MET: variants seen among roughly 807,000 people sequenced by gnomAD.
MET encodes the protein hepatocyte growth factor receptor.
Under a neutral mutation model 133.1 loss-of-function variants are expected in MET, and 48 were observed. That is an observed-to-expected ratio of 0.36 (90% CI 0.29 to 0.46). The LOEUF (loss-of-function observed/expected upper bound fraction) is 0.46. Among genes scored for constraint, MET ranks in the 20% least tolerant of loss-of-function variants. The pLI, the probability that MET is intolerant of heterozygous loss-of-function variation, is 1.00. For missense variants in MET, 1,442 were observed against 1,695.9 expected, an observed-to-expected ratio of 0.85 and a Z score of 2.63; for synonymous variants, 628 against 616.5, an observed-to-expected ratio of 1.02 and a Z score of -0.28.
At chr7:116,703,451 A>G (rs529266118) in intron 2 of MET, among the ~76,000 whole-genome samples, 106 of 152,276 alleles carry the variant, frequency 7.0e-4, no homozygotes, top group Non-Finnish European at 1.3e-3. Flanking sequence ...AGGCTAATGC[A>G]TATTCTCTAA....
rs571453992 is a variant in MET at position 116,699,730 on chromosome 7, G to A, written c.646G>A (p.Val216Met). 1 of 1,614,080 alleles carries A rather than the reference G, an allele frequency of 6.2e-7. No individual in the cohort carries two copies. Among genetic ancestry groups the A allele is most frequent in the South Asian group, 1.1e-5 (1 of 91,076 alleles). ...FPDHPLHSISVRRLKETKDGF... is the reference protein window; with the variant it reads ...FPDHPLHSISMRRLKETKDGF... ...AGATCATCCATTGCATTCGATATCA[G>A]TGAGAAGGCTAAAGGAAACGAAAGA... is the stretch of plus-strand genomic sequence containing the variant. The change falls in exon 2 of 21, where the codon GTG becomes ATG. Residue 216 changes from valine (V) to methionine (M), a missense_variant. Val to Met is a conservative substitution (Grantham distance 21). Transcript: ENST00000397752.
Position 116,777,411 on chromosome 7 carries a change from T to C in MET, c.3282T>C (p.His1094=). ...CAGGGCATTTTGGTTGTGTATATCA[T>C]GGGACTTTGTTGGACAATGATGGCA... ...IGRGHFGCVY[H]GTLLDNDGKK... The change falls in exon 16 of 21, where the codon CAT becomes CAC. Residue 1094 remains histidine, a synonymous_variant. Coordinates refer to ENST00000397752, the MANE Select transcript of MET (RefSeq NM_000245.4). The C allele has an allele frequency of 1.2e-6, 2 of 1,613,918 alleles. No homozygotes were observed. Among genetic ancestry groups the C allele is most frequent in the South Asian group, 1.1e-5 (1 of 91,082 alleles).
chr7:116,777,337 A>G, intron 15 of MET, 52 bp from the exon 16 acceptor site: 1 of 1,398,648 alleles, frequency 7.1e-7, no homozygotes, highest in East Asian at 2.3e-5. Flanking sequence ...ATAAATAATT[A>G]TTTCATAATT....
At chr7:116,701,008 A>G (rs546733107) in intron 2 of MET, among the ~76,000 whole-genome samples, 9 of 152,262 alleles carry the variant, frequency 5.9e-5, no homozygotes, top group South Asian at 2.1e-4. Context: ...CCTGGTTGGT[A>G]TTTGTTATTT....
chr7:116,715,559 C>CCTTA (rs377015915), intron 2 of MET, among the ~76,000 whole-genome samples: 3,699 of 152,324 alleles, frequency 0.024, 109 homozygotes, highest in African/African-American at 0.061. Context: ...CACGATCTGA[C>CCTTA]TTTCCAGGTG....
chr7:116,673,732 C>T (rs1796057101), intron 1 of MET, among the ~76,000 whole-genome samples: 1 of 152,198 alleles, frequency 6.6e-6, no homozygotes, highest in South Asian at 2.1e-4. Context: ...CTCTGTGCTA[C>T]AGGGACATAA....
chr7:116,775,198 A>C, intron 15 of MET, 87 bp downstream of exon 15: 1 of 1,208,064 alleles, frequency 8.3e-7, no homozygotes, highest in Non-Finnish European at 1.2e-6. Context: ...AACTTAGACA[A>C]TGGTGAAAGC....
intron 5 of MET, among the ~76,000 whole-genome samples, chr7:116,753,671 A>G (rs1394640404): frequency 2.6e-5 from 4 of 152,220 alleles, no homozygotes; most frequent in Admixed American, 6.5e-5. Context: ...AATTGTTACA[A>G]TACTGATTTT....
At chr7:116,705,313 T>G (rs1489426486) in intron 2 of MET, among the ~76,000 whole-genome samples, 2 of 152,072 alleles carry the variant, frequency 1.3e-5, no homozygotes, top group African/African-American at 2.4e-5. Flanking sequence ...AAACAAAGAT[T>G]TATAACTTTT....
intron 2 of MET, among the ~76,000 whole-genome samples, chr7:116,703,066 T>C (rs1195955839): frequency 3.3e-5 from 5 of 152,202 alleles, no homozygotes; most frequent in East Asian, 1.9e-4. Context: ...TTTTGAGTCA[T>C]TTGATAATTC....
intron 2 of MET, among the ~76,000 whole-genome samples, chr7:116,711,584 C>T (rs1791998186): frequency 6.6e-6 from 1 of 151,792 alleles, no homozygotes; most frequent in Admixed American, 6.6e-5. Flanking sequence ...TCTCTATACA[C>T]ACAAAGCAGA....
chr7:116,789,715 C>A (rs1052993344), intron 19 of MET, among the ~76,000 whole-genome samples: 1 of 152,174 alleles, frequency 6.6e-6, no homozygotes, highest in African/African-American at 2.4e-5. Flanking sequence ...ATTTGAGAGC[C>A]ATCCATGTTG....
At chr7:116,720,635 C>G (rs1307248519) in intron 2 of MET, among the ~76,000 whole-genome samples, 2 of 119,134 alleles carry the variant, frequency 1.7e-5, no homozygotes, top group Admixed American at 9.2e-5. Context: ...TCATAGATAG[C>G]TCTTATTATT....
chr7:116,767,156 A>C (rs1163959348), intron 11 of MET, among the ~76,000 whole-genome samples: 1 of 151,972 alleles, frequency 6.6e-6, no homozygotes, highest in Non-Finnish European at 1.5e-5. Context: ...GGTGTATGAA[A>C]ACTTGAAGGA....
intron 5 of MET, among the ~76,000 whole-genome samples, chr7:116,745,039 C>T (rs912890076): frequency 5.9e-5 from 9 of 152,230 alleles, no homozygotes; most frequent in Admixed American, 2.0e-4. Flanking sequence ...TCCATCGTCT[C>T]AGCCCAAAGT....
chr7:116,769,818 T>C (rs748818807), intron 12 of MET, 27 bp downstream of exon 12: 10 of 1,613,416 alleles, frequency 6.2e-6, no homozygotes, highest in East Asian at 2.2e-5. Context: ...CCTCTCATGA[T>C]GTAAATAAGG....
At chr7:116,713,182 T>A (rs577241923) in intron 2 of MET, among the ~76,000 whole-genome samples, 33 of 152,032 alleles carry the variant, frequency 2.2e-4, no homozygotes, top group Admixed American at 7.2e-4. Flanking sequence ...GATCACGAGG[T>A]CAGGAGATCG....
At chr7:116,750,212 T>C (rs1268187927) in intron 5 of MET, among the ~76,000 whole-genome samples, 1 of 152,202 alleles carries the variant, frequency 6.6e-6, no homozygotes, top group African/African-American at 2.4e-5. Flanking sequence ...CAAAACAGCA[T>C]GGTACTGGTA....
intron 1 of MET, among the ~76,000 whole-genome samples, chr7:116,687,465 A>G (rs1431252742): frequency 2.0e-5 from 3 of 152,192 alleles, no homozygotes; most frequent in Non-Finnish European, 4.4e-5. Flanking sequence ...TCTCAACATA[A>G]TGCTATTCAT....
Sources: allele counts gnomAD v4.1 joint callset (sites outside exome capture counted in the v4.1 genomes callset), GRCh38; gene constraint gnomAD v4.1.1; transcripts MANE v1.5; gene names NCBI Gene and HGNC (gene_info 2026-07-23, HGNC 2026-07-21).